Variants in NEBL observed in about 807,000 individuals in gnomAD.
NEBL encodes the protein nebulette.
Under a neutral mutation model 140.2 loss-of-function variants are expected in NEBL, and 122 were observed. The ratio of observed to expected loss-of-function variants is 0.87; its 90% confidence interval spans 0.75 to 1.01. The LOEUF is 1.01. Ranked by LOEUF, NEBL falls within the 50% of genes least tolerant of loss-of-function variation. NEBL has a pLI of 0.00. For synonymous variants in NEBL, 436 were observed against 398.9 expected (o/e 1.09, Z -1.11); for missense variants, 1,365 against 1,231.3 (o/e 1.11, Z -1.62).
intron 3 of NEBL, among the ~76,000 whole-genome samples, chr10:21,219,033 C>A (rs1449637344): frequency 6.6e-6 from 1 of 152,178 alleles, no homozygotes; most frequent in African/African-American, 2.4e-5. Flanking sequence ...CTATTTGATT[C>A]TCATTGCCTT....
At chr10:21,095,022 C>T (rs939597711) in intron 2 of NEBL, among the ~76,000 whole-genome samples, 1 of 152,132 alleles carries the variant, frequency 6.6e-6, no homozygotes, top group East Asian at 1.9e-4. Flanking sequence ...AAATCTGACA[C>T]CACTAAGCAT....
chr10:21,163,380 G>A (rs1366422206), intron 2 of NEBL, among the ~76,000 whole-genome samples: 1 of 152,156 alleles, frequency 6.6e-6, no homozygotes, highest in Admixed American at 6.5e-5. Context: ...TATCCAAACA[G>A]GCCATCAAAA....
At chr10:21,098,552 T>A (rs904036181) in intron 2 of NEBL, among the ~76,000 whole-genome samples, 1 of 152,234 alleles carries the variant, frequency 6.6e-6, no homozygotes, top group African/African-American at 2.4e-5. Flanking sequence ...CTGGACATCT[T>A]ACTGCTAGAC....
intron 3 of NEBL, among the ~76,000 whole-genome samples, chr10:20,992,214 A>G (rs565250021): frequency 6.6e-6 from 1 of 152,350 alleles, no homozygotes; most frequent in East Asian, 1.9e-4. Context: ...GATATTACAG[A>G]TGTATATGAA....
chr10:21,239,246 T>C (rs1842403126), intron 3 of NEBL, among the ~76,000 whole-genome samples: 1 of 152,048 alleles, frequency 6.6e-6, no homozygotes. Flanking sequence ...TAGTGCATTT[T>C]ACTTTTTTTT....
rs1376809016 is a variant in NEBL at position 21,173,595 on chromosome 10, T to G, written c.69+170A>C. Among the ~76,000 whole-genome samples the G allele has an allele frequency of 6.6e-6, 1 of 151,982 alleles. No individual in the cohort carries two copies. The highest frequency in any genetic ancestry group is 2.4e-5 in the African/African-American group (1 of 41,372). On this transcript the variant is annotated intron_variant, in intron 1 of 6. Transcript: ENST00000417816. The surrounding 1 kb of genome is among the most constrained non-coding windows in gnomAD (Gnocchi z 5.7). ...CCAACATCACAATCGCCAAGCGTGG[T>G]CTCTGACACTCCCGCTGGCGTCTTC...
intron 3 of NEBL, among the ~76,000 whole-genome samples, chr10:20,979,350 A>C (rs1247158432): frequency 2.6e-5 from 4 of 152,158 alleles, no homozygotes; most frequent in Non-Finnish European, 5.9e-5. Context: ...AACCTGGAAA[A>C]ATGTACACCA....
chr10:21,220,678 C>T (rs1842054814), intron 3 of NEBL, among the ~76,000 whole-genome samples: 1 of 152,082 alleles, frequency 6.6e-6, no homozygotes, highest in African/African-American at 2.4e-5. Context: ...AGGTTCTGCA[C>T]AGCAAAGGAA....
intron 21 of NEBL, among the ~76,000 whole-genome samples, 174 bp downstream of exon 21, chr10:20,817,426 C>CACCT (rs1838831703): frequency 6.6e-6 from 1 of 152,110 alleles, no homozygotes; most frequent in Non-Finnish European, 1.5e-5. Flanking sequence ...AGGTGGGGAA[C>CACCT]ACCTGACTGT....
At chr10:20,834,101 T>C (rs1279874362) in intron 14 of NEBL, among the ~76,000 whole-genome samples, 1 of 152,154 alleles carries the variant, frequency 6.6e-6, no homozygotes, top group Non-Finnish European at 1.5e-5. Context: ...ACATCCATGT[T>C]ACAGAACACT....
chr10:21,020,733 T>C (rs7476367), intron 2 of NEBL, among the ~76,000 whole-genome samples: 1 of 152,100 alleles, frequency 6.6e-6, no homozygotes, highest in Non-Finnish European at 1.5e-5. Flanking sequence ...TGAAATGTCG[T>C]CTCCCCGGGT....
chr10:20,994,945 T>G (rs1237541421), intron 3 of NEBL, among the ~76,000 whole-genome samples: 2 of 152,118 alleles, frequency 1.3e-5, no homozygotes, highest in African/African-American at 2.4e-5. Context: ...CACTTGTAAG[T>G]GAACCCATGC....
At chr10:21,044,655 A>G (rs575957515) in intron 2 of NEBL, among the ~76,000 whole-genome samples, 2 of 152,204 alleles carry the variant, frequency 1.3e-5, no homozygotes, top group East Asian at 1.9e-4. Context: ...TGCTTTTGCT[A>G]TTTCTTAAAT....
intron 3 of NEBL, among the ~76,000 whole-genome samples, chr10:21,191,344 A>G (rs1841530): frequency 0.23 from 35,100 of 152,120 alleles, 5,001 homozygotes; most frequent in African/African-American, 0.39. Context: ...TGAGGCACAC[A>G]GTGTATAAGT....
intron 3 of NEBL, among the ~76,000 whole-genome samples, chr10:21,010,002 A>G (rs1838273767): frequency 1.3e-5 from 2 of 152,192 alleles, no homozygotes; most frequent in East Asian, 3.9e-4. Flanking sequence ...ATATTGTCCT[A>G]TAAATTTGGT....
chr10:21,040,710 C>G (rs1028680254), intron 2 of NEBL, among the ~76,000 whole-genome samples: 2 of 152,076 alleles, frequency 1.3e-5, no homozygotes, highest in Non-Finnish European at 2.9e-5. Flanking sequence ...TGTGTCCCCA[C>G]CCAAATCTCA....
intron 25 of NEBL, 118 bp from the exon 26 acceptor site, chr10:20,808,777 C>CA (rs2130762493): frequency 8.7e-7 from 1 of 1,150,722 alleles, no homozygotes; most frequent in African/African-American, 1.5e-5. Context: ...AAGAATAACT[C>CA]AAAATCTCAG....
At position 20,897,024 on chromosome 10, in the gene NEBL, G is replaced by A. The variant is rs777261360; in HGVS notation, c.87C>T (p.Phe29=). The A allele has an allele frequency of 2.5e-6, 4 of 1,613,340 alleles. No homozygotes were observed. The Admixed American group carries it at 5.0e-5, about 20-fold the overall frequency. ...TTAAGTCTTCAATAACAGGCTTATA[G>A]AAGACCTATTTGAAAAAAAAGAAAA... is the stretch of plus-strand genomic sequence containing the variant. ...GEEENEEDQV[F]YKPVIEDLSM... Residue 29 remains phenylalanine (F), a synonymous_variant, in exon 2 of 28, where the codon TTC becomes TTT. Transcript: ENST00000377122.
intron 2 of NEBL, among the ~76,000 whole-genome samples, chr10:21,084,311 C>A (rs927268635): frequency 6.6e-6 from 1 of 152,252 alleles, no homozygotes; most frequent in Non-Finnish European, 1.5e-5. Flanking sequence ...GTCTGTATGG[C>A]TTGCCTCCTC....
Sources: gnomAD v4.1 joint callset for allele counts (sites outside exome capture counted in the v4.1 genomes callset) on GRCh38, gnomAD v4.1.1 for gene constraint, Gnocchi (gnomAD v3.1) non-coding constraint, MANE v1.5 for transcripts, NCBI Gene and HGNC (gene_info 2026-07-23, HGNC 2026-07-21) for gene names.